The following CELA2A variants were observed in gnomAD, a reference collection of about 807,000 sequenced individuals.
CELA2A encodes the protein chymotrypsin like elastase 2A.
CELA2A carries 31 observed loss-of-function variants against 35.3 expected under a neutral mutation model. The observed-to-expected ratio is 0.88, with a 90% CI of 0.66 to 1.19. CELA2A has a LOEUF of 1.19. CELA2A is among the 50% of genes most tolerant of loss of function. The pLI is 0.00. For missense variants in CELA2A, 330 were observed against 352.9 expected (o/e 0.94, Z 0.52); for synonymous variants, 150 against 149.8 (o/e 1.00, Z -0.01).
rs1708458227 is a variant in CELA2A at position 15,462,948 on chromosome 1, C to T, written c.356+87C>T. 1.9e-6 allele frequency: 3 copies of T among 1,564,332 alleles called. No homozygotes were observed. In the African/African-American group the frequency reaches 4.1e-5, roughly 21 times the overall value. ...AGAGGCAAGGGTCTCAACCACACCA[C>T]ACCCCCTCTGCTTCTTCTACAGGGA... is the stretch of plus-strand genomic sequence containing the variant. On this transcript the variant is annotated intron_variant, in intron 4 of 7. Coordinates refer to ENST00000359621, the MANE Select transcript of CELA2A (RefSeq NM_033440.3).
At chr1:15,468,376 A>T (rs186556492) in intron 7 of CELA2A, among the ~76,000 whole-genome samples, 129 of 152,288 alleles carry the variant, frequency 8.5e-4, no homozygotes, top group African/African-American at 3.0e-3. Context: ...ATCCCAGGCA[A>T]ATAGAGCTGA....
chr1:15,470,140 G>A (rs1291312017), intron 7 of CELA2A, among the ~76,000 whole-genome samples: 1 of 152,176 alleles, frequency 6.6e-6, no homozygotes, highest in African/African-American at 2.4e-5. Flanking sequence ...GTTTCAGAAG[G>A]GGGAGAGCCA....
rs980879305 is a variant in CELA2A at position 15,463,157 on chromosome 1, G to A, written c.357-229G>A. On this transcript the variant is annotated intron_variant, in intron 4 of 7. Transcript: ENST00000359621. ...TCATGCCAGGTCCTGGGGACACAGG[G>A]ACAGTGCTGTCAACCCTGTGACTGT... The A allele has an allele frequency of 8.1e-6, 6 of 738,420 alleles. No individual in the cohort carries two copies. The East Asian group carries it at 1.6e-4, about 20-fold the overall frequency. The allele number at this position is 738,420 out of a possible 1,614,324, so 45.7% of individuals were successfully genotyped here. A position where few individuals can be genotyped will look rare whatever the true frequency, so the allele number is the denominator to read the frequency against.
Position 15,466,016 on chromosome 1 carries a change from G to C in CELA2A, c.511G>C (p.Asp171His), listed in dbSNP as rs750362449. Residue 171 changes from aspartate (D) to histidine (H), a missense_variant, in exon 6 of 8, where the codon GAT (aspartate) becomes CAT (histidine). By Grantham distance (81) the Asp-to-His change is moderately conservative. Transcript: ENST00000359621. ...GRLQTNGAVP[D>H]VLQQGRLLVV... ...TCATTCAGCCAACGGGGCTGTTCCT[G>C]ATGTCCTGCAGCAGGGCCGGTTGCT... The C allele has an allele frequency of 5.0e-6, 8 of 1,614,134 alleles. No homozygotes were observed. The highest frequency in any genetic ancestry group is 5.9e-6 in the Non-Finnish European group (7 of 1,180,032).
chr1:15,467,357 T>C (rs373625737), intron 6 of CELA2A, 29 bp from the exon 7 acceptor site: 4 of 1,608,828 alleles, frequency 2.5e-6, no homozygotes, highest in African/African-American at 2.7e-5. Context: ...CCTCTCCCTT[T>C]ACCTGCCTAT....
At chr1:15,463,587 T>C (rs1271981076) in intron 5 of CELA2A, 65 bp downstream of exon 5, 92 of 1,607,192 alleles carry the variant, frequency 5.7e-5, no homozygotes, top group Admixed American at 1.8e-4. Context: ...CACCCCTGTC[T>C]GGCCGGGGCC....
intron 5 of CELA2A, among the ~76,000 whole-genome samples, chr1:15,464,268 G>A (rs1708481126): frequency 6.6e-6 from 1 of 151,878 alleles, no homozygotes; most frequent in Non-Finnish European, 1.5e-5. Context: ...GAGACCCCTG[G>A]AGCCCTCATC....
chr1:15,471,197 T>A (rs946129338), intron 7 of CELA2A, among the ~76,000 whole-genome samples: 4 of 152,324 alleles, frequency 2.6e-5, no homozygotes, highest in African/African-American at 9.6e-5. Context: ...GTATTTGTGC[T>A]GTAGCAGCTG....
In CELA2A at chr1:15,462,693, C is replaced by T. The variant is rs751420468; in HGVS notation, c.228-40C>T. ...TCCCCAGCATTATCCAAAGCCAGGCCTCTGGAGGTGACCCTCTCCCTGGGC... is the reference window on the plus strand; with the variant it reads ...TCCCCAGCATTATCCAAAGCCAGGCTTCTGGAGGTGACCCTCTCCCTGGGC... On this transcript the variant is annotated intron_variant, in intron 3 of 7. Transcript: ENST00000359621. The T allele has an allele frequency of 8.1e-6, 13 of 1,611,946 alleles. No homozygotes were observed. The South Asian group carries it at 1.1e-4, about 14-fold the overall frequency.
intron 2 of CELA2A, among the ~76,000 whole-genome samples, chr1:15,460,250 A>G (rs1164611530): frequency 6.6e-6 from 1 of 151,902 alleles, no homozygotes; most frequent in African/African-American, 2.4e-5. Context: ...GCCACACATA[A>G]TACGTATTAT....
intron 2 of CELA2A, among the ~76,000 whole-genome samples, chr1:15,460,745 A>C (rs1400000579): frequency 6.6e-6 from 1 of 151,576 alleles, no homozygotes; most frequent in Non-Finnish European, 1.5e-5. Flanking sequence ...TATGGTGCCC[A>C]GGCTGGTTCA....
At chr1:15,457,453 A>C in intron 2 of CELA2A, 1 of 361,084 alleles carries the variant, frequency 2.8e-6, no homozygotes, top group Non-Finnish European at 5.2e-6. Flanking sequence ...TCTACTAATA[A>C]TACACAAGTA....
intron 2 of CELA2A, among the ~76,000 whole-genome samples, chr1:15,459,592 C>T (rs1017552767): frequency 5.9e-5 from 9 of 152,166 alleles, no homozygotes; most frequent in Non-Finnish European, 1.5e-5. Context: ...CCCCATAACA[C>T]CGGGCGCATT....
chr1:15,462,366 C>T (rs1249060468), intron 3 of CELA2A, among the ~76,000 whole-genome samples: 3 of 152,182 alleles, frequency 2.0e-5, no homozygotes, highest in Non-Finnish European at 4.4e-5. Context: ...GGCCAGGTTA[C>T]GCCTCTCTGG....
At chr1:15,462,586 ATAAC>A in intron 3 of CELA2A, 143 bp from the exon 4 acceptor site, 1 of 933,360 alleles carries the variant, frequency 1.1e-6, no homozygotes, top group Non-Finnish European at 1.6e-6. Flanking sequence ...AGGCCCTATT[ATAAC>A]TAACTGATTG....
At chr1:15,462,671 C>T (rs1708451651) in intron 3 of CELA2A, 62 bp from the exon 4 acceptor site, 2 of 1,599,768 alleles carry the variant, frequency 1.3e-6, no homozygotes, top group African/African-American at 2.7e-5. Context: ...GGGTCTATCC[C>T]CAGCATTATC....
chr1:15,461,996 C>T (rs3737697), intron 3 of CELA2A: 136,537 of 526,522 alleles, frequency 0.26, 18,479 homozygotes, highest in Middle Eastern at 0.4. Flanking sequence ...GCTTCAATAC[C>T]ATCACCTGCA....
At position 15,467,397 on chromosome 1, in the gene CELA2A, C is replaced by G; in HGVS notation, c.651C>G (p.Gly217=). 1 of 1,613,284 alleles carries G rather than the reference C, an allele frequency of 6.2e-7. No individual in the cohort carries two copies. The highest frequency in any genetic ancestry group is 8.5e-7 in the Non-Finnish European group (1 of 1,180,010). ...GVISSCNGDS[G]GPLNCQASDG... is the part of the protein sequence containing the mutation. ...CTGGCCTTCCTCAGGGAGACTCTGG[C>G]GGGCCACTGAACTGTCAGGCGTCTG... Residue 217 remains glycine (G), a synonymous_variant, in exon 7 of 8, where the codon GGC becomes GGG. Coordinates refer to ENST00000359621, the MANE Select transcript of CELA2A (RefSeq NM_033440.3).
Position 15,467,424 on chromosome 1 carries a change from C to T in CELA2A, c.678C>T (p.Asp226=), listed in dbSNP as rs199572768. The T allele has an allele frequency of 9.8e-5, 158 of 1,613,966 alleles. No homozygotes were observed. In the East Asian group the frequency reaches 2.7e-3, roughly 28 times the overall value. The stretch of plus-strand genomic sequence containing the variant: ...GGCCACTGAACTGTCAGGCGTCTGA[C>T]GGCCGGTGGCAGGTGCACGGCATCG... The part of the protein sequence containing the change: ...SGGPLNCQAS[D]GRWQVHGIVS... The change falls in exon 7 of 8, where the codon GAC becomes GAT. Residue 226 remains aspartate, a synonymous_variant. Transcript: ENST00000359621.
Sources: allele counts gnomAD v4.1 joint callset (sites outside exome capture counted in the v4.1 genomes callset), GRCh38; gene constraint gnomAD v4.1.1; transcripts MANE v1.5; gene names NCBI Gene and HGNC (gene_info 2026-07-23, HGNC 2026-07-21).